Variants in MAP4 observed in about 807,000 individuals in gnomAD.
MAP4 encodes microtubule associated protein 4.
In MAP4, 76 loss-of-function variants were observed where a neutral mutation model predicts 170.2. The observed-to-expected ratio is 0.45, with a 90% CI of 0.37 to 0.54. The LOEUF (loss-of-function observed/expected upper bound fraction) is 0.54. Ranked by LOEUF, MAP4 falls within the 20% of genes least tolerant of loss-of-function variation. MAP4 has a pLI of 0.00. For missense variants in MAP4, 2,506 were observed against 2,748.0 expected (o/e 0.91, Z 1.97); for synonymous variants, 909 against 994.5 (o/e 0.91, Z 1.62).
At chr3:48,040,574 AT>A (rs961577767) in intron 1 of MAP4, among the ~76,000 whole-genome samples, 2 of 147,866 alleles carry the variant, frequency 1.4e-5, no homozygotes, top group African/African-American at 5.0e-5. Flanking sequence ...CAGCCTATTT[AT>A]TTATTTTGTA....
chr3:48,021,763 G>T (rs1027960377), intron 1 of MAP4, among the ~76,000 whole-genome samples: 1 of 152,184 alleles, frequency 6.6e-6, no homozygotes, highest in Non-Finnish European at 1.5e-5. Context: ...GAACAGCTAA[G>T]ATAATCTTTG....
intron 2 of MAP4, 45 bp downstream of exon 2, chr3:47,998,593 A>G (rs886643078): frequency 1.4e-6 from 2 of 1,473,696 alleles, no homozygotes; most frequent in Admixed American, 1.7e-5. Context: ...ATAATCCCTA[A>G]CCTGCTTTCT....
At chr3:48,056,679 T>TC (rs2100131963) in intron 1 of MAP4, among the ~76,000 whole-genome samples, 1 of 68,622 alleles carries the variant, frequency 1.5e-5, no homozygotes, top group Admixed American at 1.4e-4. Context: ...GGGTCAGCCC[T>TC]CCGCCCGGCC....
At chr3:47,885,518 CTATT>C (rs949924180) in intron 10 of MAP4, among the ~76,000 whole-genome samples, 1 of 152,122 alleles carries the variant, frequency 6.6e-6, no homozygotes, top group African/African-American at 2.4e-5. Context: ...TATTTCCAGA[CTATT>C]TAGTTGTATT....
At chr3:48,031,755 T>C (rs1472656991) in intron 1 of MAP4, among the ~76,000 whole-genome samples, 2 of 152,060 alleles carry the variant, frequency 1.3e-5, no homozygotes, top group African/African-American at 4.8e-5. Context: ...TGGTGGCATG[T>C]GCCTATGGTC....
At chr3:47,944,581 T>C (rs1401871068) in intron 3 of MAP4, among the ~76,000 whole-genome samples, 1 of 152,012 alleles carries the variant, frequency 6.6e-6, no homozygotes, top group African/African-American at 2.4e-5. Context: ...CCAGAGAATA[T>C]GCAAAATACA....
intron 3 of MAP4, among the ~76,000 whole-genome samples, chr3:47,939,601 A>G (rs2100055023): frequency 6.6e-6 from 1 of 152,148 alleles, no homozygotes; most frequent in African/African-American, 2.4e-5. Context: ...AAAAAGCATA[A>G]GGAATTCCAA....
chr3:48,023,101 T>C (rs9831180), intron 1 of MAP4, among the ~76,000 whole-genome samples: 2,573 of 152,200 alleles, frequency 0.017, 61 homozygotes, highest in African/African-American at 0.049. Context: ...AAATTAACCT[T>C]TCCATAGTGT....
At chr3:47,862,017 C>T (rs1041161534) in intron 17 of MAP4, among the ~76,000 whole-genome samples, 2 of 149,738 alleles carry the variant, frequency 1.3e-5, no homozygotes, top group East Asian at 2.0e-4. Context: ...AAAAATTAGC[C>T]GGGCGTGGCG....
chr3:47,869,962 T>C (rs2088465726), intron 15 of MAP4, among the ~76,000 whole-genome samples: 1 of 152,164 alleles, frequency 6.6e-6, no homozygotes, highest in Non-Finnish European at 1.5e-5. Context: ...TGATCTCAGC[T>C]TGCCATCAGT....
At chr3:48,066,985 C>T (rs972720444) in intron 1 of MAP4, among the ~76,000 whole-genome samples, 3 of 151,742 alleles carry the variant, frequency 2.0e-5, no homozygotes, top group Non-Finnish European at 2.9e-5. Flanking sequence ...GGACCACAAG[C>T]GCCCATCACC....
intron 1 of MAP4, among the ~76,000 whole-genome samples, chr3:48,081,669 T>A (rs915277316): frequency 6.6e-6 from 1 of 152,140 alleles, no homozygotes; most frequent in African/African-American, 2.4e-5. Flanking sequence ...TATAAACTCA[T>A]GTTTATATTT....
chr3:47,925,001 G>A (rs945352867), intron 4 of MAP4, among the ~76,000 whole-genome samples: 2 of 152,022 alleles, frequency 1.3e-5, no homozygotes, highest in African/African-American at 4.8e-5. Flanking sequence ...TAGGAGAGAC[G>A]GGGTTTCACC....
rs755833231 is a variant in MAP4 at position 47,943,303 on chromosome 3, C to T, written c.293-14953G>A. 2.0e-4 allele frequency among the ~76,000 whole-genome samples: 30 copies of T among 152,126 alleles called. 2 individuals are homozygous for T. Among genetic ancestry groups the T allele is most frequent in the Non-Finnish European group, 8.8e-5 (6 of 68,028 alleles). On this transcript the variant is annotated intron_variant, in intron 3 of 20. Coordinates refer to ENST00000683076, the MANE Select transcript of MAP4 (RefSeq NM_001385682.1). ...ATTAAACTAGCAAAAAGCCCACTAA[C>T]CTTTCTTGATTTAAAATAATATTTT...
intron 1 of MAP4, among the ~76,000 whole-genome samples, chr3:48,005,405 G>A (rs2100101732): frequency 6.6e-6 from 1 of 152,054 alleles, no homozygotes; most frequent in South Asian, 2.1e-4. Flanking sequence ...ACAGCAATCT[G>A]GAGAACAGGC....
At position 47,867,331 on chromosome 3, in the gene MAP4, A is replaced by G. The variant is rs377717992; in HGVS notation, c.6416T>C (p.Ile2139Thr). ...GCTGTAGCTCACTTTTTTGGAGACT[A>G]TCTGGACCTGGAGTGTTAGAAAATA... Reference protein sequence around the residue: ...AQKQPAGKVQIVSKKVSYSHI... With the variant: ...AQKQPAGKVQTVSKKVSYSHI... The change falls in exon 17 of 21, where the codon ATA becomes ACA. Residue 2139 changes from isoleucine (I) to threonine (T), a missense_variant. Ile to Thr is a moderately conservative substitution (Grantham distance 89). Transcript: ENST00000683076. 4 of 1,610,304 alleles carry G rather than the reference A, an allele frequency of 2.5e-6. No individual in the cohort carries two copies. The highest frequency in any genetic ancestry group is 3.4e-6 in the Non-Finnish European group (4 of 1,176,674).
chr3:48,037,526 C>A (rs780907640), intron 1 of MAP4, among the ~76,000 whole-genome samples: 2 of 152,066 alleles, frequency 1.3e-5, no homozygotes, highest in Non-Finnish European at 2.9e-5. Context: ...TCCCAAGTAG[C>A]TGGAACTCCA....
In MAP4 at chr3:47,881,446, CTA is replaced by C. The variant is rs56923064; in HGVS notation, c.5435-3925_5435-3924del. ...CAGCCTGGGCAACAAGAAAAAACAACTATATATATATATATATATATATATAT... is the reference window on the plus strand; with the variant it reads ...CAGCCTGGGCAACAAGAAAAAACAACTATATATATATATATATATATATAT... On this transcript the variant is annotated intron_variant, in intron 10 of 20. Transcript: ENST00000683076. 2.8e-3 allele frequency among the ~76,000 whole-genome samples: 137 copies of C among 49,340 alleles called. 1 individual carries two copies. The highest frequency in any genetic ancestry group is 3.4e-3 in the African/African-American group (36 of 10,620). The allele number at this position is 49,340 out of a possible 152,430, so 32.4% of individuals were successfully genotyped here. A position where few individuals can be genotyped will look rare whatever the true frequency, so the allele number is the denominator to read the frequency against.
At chr3:47,979,817 TTTTG>T in intron 2 of MAP4, among the ~76,000 whole-genome samples, 1 of 151,852 alleles carries the variant, frequency 6.6e-6, no homozygotes, top group South Asian at 2.1e-4. Flanking sequence ...CCAAAAATGT[TTTTG>T]TTTGTTTTGT....
Sources: allele counts gnomAD v4.1 joint callset (sites outside exome capture counted in the v4.1 genomes callset), GRCh38; gene constraint gnomAD v4.1.1; transcripts MANE v1.5; gene names NCBI Gene and HGNC (gene_info 2026-07-23, HGNC 2026-07-21).